PCLO: variants seen among roughly 807,000 people sequenced by gnomAD.
The protein encoded by PCLO is piccolo presynaptic cytomatrix protein, also known as protein piccolo.
Under a neutral mutation model 427.5 loss-of-function variants are expected in PCLO, and 82 were observed. The observed-to-expected ratio is 0.19, with a 90% CI of 0.16 to 0.23. The LOEUF (loss-of-function observed/expected upper bound fraction) is 0.23, where lower values mean the gene tolerates loss of function less well. Among genes scored for constraint, PCLO ranks in the 10% least tolerant of loss-of-function variants. The pLI, the probability that PCLO is intolerant of heterozygous loss-of-function variation, is 1.00. For missense variants in PCLO, 6,239 were observed against 6,115.9 expected (o/e 1.02, Z -0.67); for synonymous variants, 2,357 against 2,155.4 (o/e 1.09, Z -2.59).
chr7:83,140,505 GTCTT>G (rs1317280191), intron 2 of PCLO, among the ~76,000 whole-genome samples: 1 of 152,092 alleles, frequency 6.6e-6, no homozygotes, highest in African/African-American at 2.4e-5. Flanking sequence ...ACTCATGGTA[GTCTT>G]TCTATTAATC....
intron 13 of PCLO, among the ~76,000 whole-genome samples, chr7:82,844,601 A>T (rs1022820834): frequency 7.2e-5 from 11 of 152,208 alleles, no homozygotes; most frequent in Admixed American, 1.3e-4. Flanking sequence ...CTTTTTTCGC[A>T]TGTATTTATC....
intron 22 of PCLO, among the ~76,000 whole-genome samples, chr7:82,785,484 A>C (rs897631580): frequency 2.6e-5 from 4 of 152,178 alleles, no homozygotes; most frequent in Non-Finnish European, 5.9e-5. Context: ...TCAAAGTTAT[A>C]AGCTAAGAAA....
chr7:83,133,235 A>T (rs1026665514), intron 3 of PCLO, among the ~76,000 whole-genome samples: 2 of 152,038 alleles, frequency 1.3e-5, no homozygotes, highest in African/African-American at 4.8e-5. Flanking sequence ...TAAATGCTAA[A>T]ATCTATTCAA....
intron 9 of PCLO, among the ~76,000 whole-genome samples, chr7:82,900,554 T>TC (rs11385435): frequency 0.99 from 149,921 of 151,638 alleles, 74,119 homozygotes; most frequent in Middle Eastern, 1. Flanking sequence ...ATATGGACTA[T>TC]TGATTGTAAT....
intron 9 of PCLO, among the ~76,000 whole-genome samples, chr7:82,880,674 C>T (rs1311892878): frequency 2.0e-5 from 3 of 152,148 alleles, no homozygotes; most frequent in Non-Finnish European, 2.9e-5. Context: ...TGTTGCTAAA[C>T]ATCCTACAAT....
chr7:83,075,151 T>C (rs73389604), intron 3 of PCLO, among the ~76,000 whole-genome samples: 3,671 of 152,290 alleles, frequency 0.024, 160 homozygotes, highest in African/African-American at 0.084. Flanking sequence ...AGAGGTTCAT[T>C]TGTTACTATC....
At chr7:83,127,212 G>A (rs1484912053) in intron 3 of PCLO, among the ~76,000 whole-genome samples, 1 of 151,810 alleles carries the variant, frequency 6.6e-6, no homozygotes, top group African/African-American at 2.4e-5. Context: ...AATACAATGA[G>A]GTAAGTCGGT....
chr7:82,914,224 C>A (rs1192935626), intron 7 of PCLO: 3 of 264,916 alleles, frequency 1.1e-5, no homozygotes, highest in Non-Finnish European at 2.1e-5. Context: ...CATAAACATG[C>A]CATAAATGAT....
intron 7 of PCLO, among the ~76,000 whole-genome samples, chr7:82,910,476 A>G (rs1794296187): frequency 6.6e-6 from 1 of 152,108 alleles, no homozygotes; most frequent in Middle Eastern, 3.2e-3. Flanking sequence ...ACATTAACAC[A>G]TATCTGTTTT....
intron 22 of PCLO, among the ~76,000 whole-genome samples, chr7:82,769,569 G>A (rs1259534588): frequency 6.6e-6 from 1 of 151,968 alleles, no homozygotes; most frequent in Non-Finnish European, 1.5e-5. Flanking sequence ...GACCATTTTA[G>A]GCAAAAGTCT....
Position 83,156,017 on chromosome 7 carries a change from T to C in PCLO, c.624A>G (p.Lys208=), listed in dbSNP as rs756799795. The change falls in exon 2 of 25, where the codon AAA becomes AAG. Residue 208 remains lysine (K), a synonymous_variant. Transcript: ENST00000333891. ...KEQGKPEGII[K]PPLQQQPPKP... ...TGGGTGGCTGTTGTTGTAAAGGAGGTTTTATGATTCCTTCAGGTTTTCCTT... is the reference window on the plus strand; with the variant it reads ...TGGGTGGCTGTTGTTGTAAAGGAGGCTTTATGATTCCTTCAGGTTTTCCTT... The C allele has an allele frequency of 2.5e-6, 4 of 1,612,344 alleles. No individual in the cohort carries two copies. In the East Asian group the frequency reaches 8.9e-5, roughly 36 times the overall value.
In PCLO at chr7:82,914,735, G is replaced by A; in HGVS notation, c.13251C>T (p.Asp4417=). 2 of 1,613,232 alleles carry A rather than the reference G, an allele frequency of 1.2e-6. No individual in the cohort carries two copies. The highest frequency in any genetic ancestry group is 8.5e-7 in the Non-Finnish European group (1 of 1,179,586). Residue 4417 remains aspartate, a synonymous_variant, in exon 7 of 25, where the codon GAC becomes GAT. Coordinates refer to ENST00000333891, the MANE Select transcript of PCLO (RefSeq NM_033026.6). ...GGAAGTCATCCATGATGAATGCTAT[G>A]TCACGGTCATAGCCTCGAGTCCGTG... ...EESRTRGYDR[D]IAFIMDDFQH... is the part of the protein sequence containing the mutation.
chr7:83,089,030 C>T (rs1790310535), intron 3 of PCLO, among the ~76,000 whole-genome samples: 2 of 152,066 alleles, frequency 1.3e-5, no homozygotes, highest in Admixed American at 6.6e-5. Flanking sequence ...TACTTGGAGA[C>T]ATAGTATGTG....
chr7:82,901,560 C>A (rs7788324), intron 9 of PCLO, among the ~76,000 whole-genome samples: 12,247 of 151,916 alleles, frequency 0.081, 540 homozygotes, highest in East Asian at 0.19. Context: ...GCAACAAAAG[C>A]CAAAATTGAC....
At chr7:83,022,616 T>A (rs939332379) in intron 3 of PCLO, among the ~76,000 whole-genome samples, 2 of 152,170 alleles carry the variant, frequency 1.3e-5, no homozygotes, top group African/African-American at 4.8e-5. Flanking sequence ...GTGGGTTGAA[T>A]GAATGAAACA....
chr7:82,949,560 C>A lies in PCLO; in HGVS notation c.11028G>T (p.Gln3676His). 1 of 1,613,840 alleles carries A rather than the reference C, an allele frequency of 6.2e-7. No individual in the cohort carries two copies. Among genetic ancestry groups the A allele is most frequent in the Non-Finnish European group, 8.5e-7 (1 of 1,179,824 alleles). The change falls in exon 6 of 25, where the codon CAG becomes CAT. Residue 3676 changes from glutamine (Q) to histidine (H), a missense_variant. Physicochemically the swap from Gln to His is conservative, Grantham distance 24. Coordinates refer to ENST00000333891, the MANE Select transcript of PCLO (RefSeq NM_033026.6). The stretch of plus-strand genomic sequence containing the variant: ...GAGGCTTGGGGTCAGACATAGAACG[C>A]TGCATCATCTTGGCTGTCTTAGGAC... ...PASPKTAKMM[Q>H]RSMSDPKPLS...
In PCLO at chr7:82,885,537, G is replaced by T. The variant is rs554931541; in HGVS notation, c.13529-6075C>A. ...TCATTAAATTTGTTATGCAGTGACA[G>T]AAAACTAATACAAGGATGAAAATCA... On this transcript the variant is annotated intron_variant, in intron 9 of 24. Coordinates refer to ENST00000333891, the MANE Select transcript of PCLO (RefSeq NM_033026.6). 6.6e-5 allele frequency among the ~76,000 whole-genome samples: 10 copies of T among 152,220 alleles called. No homozygotes were observed. The East Asian group carries it at 1.9e-3, about 29-fold the overall frequency.
intron 8 of PCLO, among the ~76,000 whole-genome samples, chr7:82,905,903 T>C (rs745878420): frequency 6.6e-6 from 1 of 151,924 alleles, no homozygotes; most frequent in African/African-American, 2.4e-5. Context: ...GCATTATTTA[T>C]AGAGTAAGTG....
chr7:82,809,568 C>T (rs1791524798), intron 20 of PCLO, among the ~76,000 whole-genome samples: 1 of 150,404 alleles, frequency 6.6e-6, no homozygotes, highest in Non-Finnish European at 1.5e-5. Context: ...AAGCTTGTCC[C>T]GGAACCATGT....
Sources: allele counts gnomAD v4.1 joint callset (sites outside exome capture counted in the v4.1 genomes callset), GRCh38; gene constraint gnomAD v4.1.1; transcripts MANE v1.5; gene names NCBI Gene and HGNC (gene_info 2026-07-23, HGNC 2026-07-21).